Variants in FUT9 observed in about 807,000 individuals in gnomAD.
FUT9 encodes fucosyltransferase 9.
Under a neutral mutation model 29.7 loss-of-function variants are expected in FUT9, and 15 were observed. The observed-to-expected ratio is 0.51, with a 90% CI of 0.34 to 0.78. The LOEUF is 0.78. FUT9 is among the 30% of genes least tolerant of loss of function. The pLI is 0.01. For synonymous variants in FUT9, 169 were observed against 153.7 expected, an observed-to-expected ratio of 1.10 and a Z score of -0.74; for missense variants, 319 against 425.4, an observed-to-expected ratio of 0.75 and a Z score of 2.20.
chr6:96,110,767 C>T (rs1771789205), intron 1 of FUT9, among the ~76,000 whole-genome samples: 1 of 148,694 alleles, frequency 6.7e-6, no homozygotes, highest in Admixed American at 6.7e-5. Context: ...GCAATCTTCC[C>T]ACATCAGCTT....
intron 2 of FUT9, among the ~76,000 whole-genome samples, chr6:96,160,510 T>C (rs1457842840): frequency 6.6e-6 from 1 of 152,180 alleles, no homozygotes; most frequent in Non-Finnish European, 1.5e-5. Context: ...ATAATATGCA[T>C]GAACGCTTTT....
chr6:96,061,644 G>C (rs1770876370), intron 1 of FUT9, among the ~76,000 whole-genome samples: 1 of 151,898 alleles, frequency 6.6e-6, no homozygotes, highest in Non-Finnish European at 1.5e-5. Context: ...TCTCCACTAT[G>C]ATTCTAAGAT....
rs182807460 is a variant in FUT9 at position 96,181,130 on chromosome 6, A to G, written c.-8-22018A>G. ...GTTGAAGTATAGACTGCTTTCATTT[A>G]CTTATGTGTGTATTTTCAAAATCGT... On this transcript the variant is annotated intron_variant, in intron 2 of 2. Coordinates refer to ENST00000302103, the MANE Select transcript of FUT9 (RefSeq NM_006581.4). Among the ~76,000 whole-genome samples, 20 of 152,192 alleles carry G rather than the reference A, an allele frequency of 1.3e-4. 1 individual carries two copies. The highest frequency in any genetic ancestry group is 1.2e-3 in the Admixed American group (19 of 15,244).
At chr6:96,184,976 T>G (rs1773378707) in intron 2 of FUT9, among the ~76,000 whole-genome samples, 2 of 152,046 alleles carry the variant, frequency 1.3e-5, no homozygotes, top group Non-Finnish European at 2.9e-5. Context: ...AAATGCTTTT[T>G]TTTTAAGCAA....
intron 1 of FUT9, among the ~76,000 whole-genome samples, chr6:96,051,586 A>T (rs1334154278): frequency 6.6e-6 from 1 of 152,010 alleles, no homozygotes; most frequent in Non-Finnish European, 1.5e-5. Flanking sequence ...CCAGGAAGTC[A>T]AGATTGCAGT....
rs536482504 is a variant in FUT9, at chr6:96,190,537, C to T, written c.-8-12611C>T. On this transcript the variant is annotated intron_variant, in intron 2 of 2. Transcript: ENST00000302103. ...GGTTCCATTCTCCCCATCACTTTCA[C>T]GTATACCAATCAGATGTAGATTTGG... 7.2e-5 allele frequency among the ~76,000 whole-genome samples: 11 copies of T among 152,292 alleles called. No homozygotes were observed. The South Asian group carries it at 8.3e-4, about 11-fold the overall frequency.
intron 2 of FUT9, among the ~76,000 whole-genome samples, chr6:96,120,887 T>C (rs936490912): frequency 6.6e-6 from 1 of 152,006 alleles, no homozygotes; most frequent in African/African-American, 2.4e-5. Flanking sequence ...GGAGTATAGA[T>C]GGATGCACGG....
At chr6:96,125,656 T>C (rs992318067) in intron 2 of FUT9, among the ~76,000 whole-genome samples, 10 of 152,136 alleles carry the variant, frequency 6.6e-5, no homozygotes, top group African/African-American at 1.9e-4. Flanking sequence ...AGGGCTAGAA[T>C]TGAAGTCTTC....
chr6:96,042,530 A>G (rs1187939441), intron 1 of FUT9, among the ~76,000 whole-genome samples: 1 of 152,200 alleles, frequency 6.6e-6, no homozygotes, highest in Non-Finnish European at 1.5e-5. Flanking sequence ...TTCGTTTATT[A>G]TGCATAGTAA....
At chr6:96,198,123 T>A (rs9404416) in intron 2 of FUT9, among the ~76,000 whole-genome samples, 137,756 of 151,072 alleles carry the variant, frequency 0.91, 64,143 homozygotes, top group Non-Finnish European at 1. Context: ...CCTTTTTTTT[T>A]ATTATTATTG....
At chr6:96,080,792 G>T (rs886724220) in intron 1 of FUT9, among the ~76,000 whole-genome samples, 1 of 151,736 alleles carries the variant, frequency 6.6e-6, no homozygotes, top group Non-Finnish European at 1.5e-5. Flanking sequence ...ATTTCAAAAT[G>T]CATATATCTA....
chr6:96,075,527 A>G (rs867914100), intron 1 of FUT9, among the ~76,000 whole-genome samples: 35 of 152,302 alleles, frequency 2.3e-4, no homozygotes, highest in Middle Eastern at 6.8e-3. Flanking sequence ...TGACATATAT[A>G]CAAACTCAAG....
intron 1 of FUT9, among the ~76,000 whole-genome samples, chr6:96,045,013 C>A (rs1476250316): frequency 6.6e-5 from 10 of 152,050 alleles, no homozygotes; most frequent in Admixed American, 6.6e-4. Flanking sequence ...TATGGGGAGT[C>A]AATCTAATTT....
At chr6:96,110,708 C>T (rs1293807214) in intron 1 of FUT9, among the ~76,000 whole-genome samples, 1 of 152,098 alleles carries the variant, frequency 6.6e-6, no homozygotes, top group Non-Finnish European at 1.5e-5. Flanking sequence ...GTTGCCAAGG[C>T]TGGAGTGCAG....
chr6:96,192,076 A>G (rs1401566705), intron 2 of FUT9, among the ~76,000 whole-genome samples: 1 of 152,162 alleles, frequency 6.6e-6, no homozygotes, highest in Non-Finnish European at 1.5e-5. Flanking sequence ...GCTATTTATG[A>G]CAAACCCACA....
intron 1 of FUT9, among the ~76,000 whole-genome samples, chr6:96,075,817 T>A (rs1214998247): frequency 6.6e-6 from 1 of 152,216 alleles, no homozygotes; most frequent in East Asian, 1.9e-4. Flanking sequence ...GAAAGAGGCC[T>A]GTAGGATTCT....
At chr6:96,100,520 G>A (rs1166544915) in intron 1 of FUT9, among the ~76,000 whole-genome samples, 1 of 152,098 alleles carries the variant, frequency 6.6e-6, no homozygotes, top group Non-Finnish European at 1.5e-5. Flanking sequence ...ATGATTAGAA[G>A]AATTTCACAT....
At chr6:96,162,508 A>G (rs1772930574) in intron 2 of FUT9, among the ~76,000 whole-genome samples, 1 of 152,062 alleles carries the variant, frequency 6.6e-6, no homozygotes, top group Admixed American at 6.6e-5. Context: ...CTGTAACCTT[A>G]CCCTTTCCAG....
At position 96,143,155 on chromosome 6, in the gene FUT9, A is replaced by T. The variant is rs529543594; in HGVS notation, c.-9+29028A>T. On this transcript the variant is annotated intron_variant, in intron 2 of 2. Coordinates refer to ENST00000302103, the MANE Select transcript of FUT9 (RefSeq NM_006581.4). ...AGGTAGAAGAGGTGATTAGGTCAGGAGGGTGGAACCCTTGTTACTGGTATT... is the reference window on the plus strand; with the variant it reads ...AGGTAGAAGAGGTGATTAGGTCAGGTGGGTGGAACCCTTGTTACTGGTATT... Among the ~76,000 whole-genome samples the T allele has an allele frequency of 2.0e-5, 3 of 152,280 alleles. No homozygotes were observed. The East Asian group carries it at 5.8e-4, about 29-fold the overall frequency.
Sources: gnomAD v4.1 joint callset for allele counts (sites outside exome capture counted in the v4.1 genomes callset) on GRCh38, gnomAD v4.1.1 for gene constraint, MANE v1.5 for transcripts, NCBI Gene and HGNC (gene_info 2026-07-23, HGNC 2026-07-21) for gene names.